Variants in TENM3 observed in about 807,000 individuals in gnomAD.
TENM3 encodes teneurin transmembrane protein 3, also known as teneurin-3.
A neutral mutation model predicts 255.1 loss-of-function variants in TENM3; 63 were observed. That is an observed-to-expected ratio of 0.25 (90% confidence interval 0.20 to 0.30). TENM3 has a LOEUF of 0.30. TENM3 is among the 10% of genes least tolerant of loss of function. The pLI, the probability that TENM3 is intolerant of heterozygous loss-of-function variation, is 1.00. For missense variants in TENM3, 2,929 were observed against 3,461.1 expected (o/e 0.85, Z 3.86); for synonymous variants, 1,306 against 1,322.3 (o/e 0.99, Z 0.27).
chr4:181,638,672 T>G, the TENM3 span, among the ~76,000 whole-genome samples: 4 of 152,220 alleles, frequency 2.6e-5, no homozygotes, highest in African/African-American at 9.6e-5. Flanking sequence ...ATGGAAACTT[T>G]ATTGGAAAAC....
chr4:182,500,353 A>T (rs991559860), intron 3 of TENM3, among the ~76,000 whole-genome samples: 1 of 152,200 alleles, frequency 6.6e-6, no homozygotes, highest in Non-Finnish European at 1.5e-5. Context: ...GGACAATAGA[A>T]AAATGAGGAA....
intron 1 of TENM3, among the ~76,000 whole-genome samples, chr4:182,217,259 G>A (rs1755546498): frequency 6.6e-6 from 1 of 151,822 alleles, no homozygotes; most frequent in Non-Finnish European, 1.5e-5. Flanking sequence ...GAACTCAGGT[G>A]ATCCACCCAC....
chr4:181,779,936 C>T, the TENM3 span, among the ~76,000 whole-genome samples: 2 of 152,124 alleles, frequency 1.3e-5, no homozygotes, highest in Non-Finnish European at 2.9e-5. Flanking sequence ...TGATTTCCAG[C>T]TTCATCCATG....
chr4:181,908,065 A>G, the TENM3 span, among the ~76,000 whole-genome samples: 1 of 152,168 alleles, frequency 6.6e-6, no homozygotes, highest in Non-Finnish European at 1.5e-5. Context: ...TCGTATGTTT[A>G]TATTTTATAC....
intron 1 of TENM3, among the ~76,000 whole-genome samples, chr4:182,172,438 A>G (rs2008039376): frequency 6.6e-6 from 1 of 152,214 alleles, no homozygotes; most frequent in South Asian, 2.1e-4. Flanking sequence ...CTTTCTGAGT[A>G]GCTACCATGT....
intron 1 of TENM3, among the ~76,000 whole-genome samples, chr4:182,322,709 TCAGAGACAGAGACAGA>T (rs1368233293): frequency 6.6e-6 from 1 of 151,904 alleles, no homozygotes; most frequent in Non-Finnish European, 1.5e-5. Flanking sequence ...AGAGAGACAG[TCAGAGACAGAGACAGA>T]CAGAGACAGA....
At chr4:181,763,657 C>T in the TENM3 span, among the ~76,000 whole-genome samples, 1 of 152,150 alleles carries the variant, frequency 6.6e-6, no homozygotes, top group Non-Finnish European at 1.5e-5. Flanking sequence ...GTAATCACAA[C>T]AGACACTGTA....
At chr4:182,406,691 A>G (rs1769605860) in intron 3 of TENM3, among the ~76,000 whole-genome samples, 1 of 152,192 alleles carries the variant, frequency 6.6e-6, no homozygotes. Flanking sequence ...TCAGTTAACT[A>G]ATTATTCTCT....
At chr4:181,495,318 G>A in the TENM3 span, among the ~76,000 whole-genome samples, 1 of 152,092 alleles carries the variant, frequency 6.6e-6, no homozygotes, top group Non-Finnish European at 1.5e-5. Flanking sequence ...CAGGCATCAG[G>A]GACAATGCCT....
intron 3 of TENM3, among the ~76,000 whole-genome samples, chr4:182,487,888 A>G (rs1734912659): frequency 6.6e-6 from 1 of 152,154 alleles, no homozygotes; most frequent in Admixed American, 6.6e-5. Context: ...TTGTAGTGCA[A>G]ACAGAGCCTT....
chr4:182,098,160 T>C, the TENM3 span, among the ~76,000 whole-genome samples: 1 of 152,112 alleles, frequency 6.6e-6, no homozygotes, highest in Non-Finnish European at 1.5e-5. Context: ...TTAAAATGGC[T>C]TTTATCAAAA....
At position 182,161,959 on chromosome 4, in the gene TENM3, G is replaced by GTGTA. The variant is rs1343876481; in HGVS notation, c.-76+17206_-76+17207insGTAT. On this transcript the variant is annotated intron_variant, in intron 1 of 2. Coordinates refer to the TENM3 transcript ENST00000512480. ...CATATATATATTTGTGTGTGTGTGT[G>GTGTA]TATATATATATATATATATATATAT... is the stretch of plus-strand genomic sequence containing the variant. 4.2e-3 allele frequency among the ~76,000 whole-genome samples: 68 copies of GTGTA among 16,272 alleles called. 13 individuals are homozygous for GTGTA. The highest frequency in any genetic ancestry group is 6.9e-3 in the African/African-American group (39 of 5,638). The allele number at this position is 16,272 out of a possible 152,430, so 10.7% of individuals were successfully genotyped here.
chr4:181,504,567 C>T, the TENM3 span, among the ~76,000 whole-genome samples: 1 of 152,172 alleles, frequency 6.6e-6, no homozygotes, highest in African/African-American at 2.4e-5. Context: ...CCCACTGCCA[C>T]CTTCCCTTCT....
chr4:181,621,548 G>A, the TENM3 span, among the ~76,000 whole-genome samples: 4 of 152,118 alleles, frequency 2.6e-5, no homozygotes, highest in East Asian at 3.9e-4. Context: ...GTGCTTTTAC[G>A]AATAGCCTCC....
chr4:181,888,494 G>GTATATATATGTGTATATATATATA, the TENM3 span, among the ~76,000 whole-genome samples: 1 of 28,242 alleles, frequency 3.5e-5, no homozygotes, highest in African/African-American at 1.7e-4. Context: ...ATAGAAATGT[G>GTATATATATGTGTATATATATATA]TATATATATA....
chr4:182,238,079 G>A (rs1757001609), intron 1 of TENM3, among the ~76,000 whole-genome samples: 1 of 152,262 alleles, frequency 6.6e-6, no homozygotes, highest in African/African-American at 2.4e-5. Flanking sequence ...TAAATAAGAT[G>A]AGACAATGAA....
chr4:181,736,158 C>G, the TENM3 span, among the ~76,000 whole-genome samples: 1 of 151,960 alleles, frequency 6.6e-6, no homozygotes, highest in African/African-American at 2.4e-5. Context: ...ATTAGCCGGG[C>G]GTGGTGGCAC....
chr4:182,606,998 CACTA>C (rs554749300), intron 4 of TENM3, among the ~76,000 whole-genome samples: 19 of 152,326 alleles, frequency 1.2e-4, no homozygotes, highest in South Asian at 4.1e-4. Flanking sequence ...CCACCATTTT[CACTA>C]ACTATTTAAA....
intron 3 of TENM3, among the ~76,000 whole-genome samples, chr4:182,563,742 T>C (rs1254376622): frequency 1.3e-5 from 2 of 152,158 alleles, no homozygotes; most frequent in African/African-American, 4.8e-5. Flanking sequence ...GAGGCAAACA[T>C]ATAATGAGTG....
Sources: gnomAD v4.1 joint callset for allele counts (sites outside exome capture counted in the v4.1 genomes callset) on GRCh38, gnomAD v4.1.1 for gene constraint, MANE v1.5 for transcripts, NCBI Gene and HGNC (gene_info 2026-07-23, HGNC 2026-07-21) for gene names.